The following RAPGEF5 variants were observed in gnomAD, a reference collection of about 807,000 sequenced individuals.
RAPGEF5 encodes Rap guanine nucleotide exchange factor 5.
RAPGEF5 carries 65 observed loss-of-function variants against 125.2 expected under a neutral mutation model. The observed-to-expected ratio is 0.52, with a 90% CI of 0.43 to 0.64. The LOEUF (loss-of-function observed/expected upper bound fraction) is 0.64. Among genes scored for constraint, RAPGEF5 ranks in the 30% least tolerant of loss-of-function variants. The probability of loss-of-function intolerance (pLI) is 0.00; values close to 1 mark genes in which losing one functional copy is unlikely to be tolerated. For missense variants in RAPGEF5, 958 were observed against 1,048.1 expected (o/e 0.91, Z 1.19); for synonymous variants, 391 against 385.9 (o/e 1.01, Z -0.16).
intron 8 of RAPGEF5, among the ~76,000 whole-genome samples, chr7:22,220,511 T>A (rs2128132679): frequency 1.3e-5 from 2 of 152,286 alleles, no homozygotes; most frequent in Middle Eastern, 6.8e-3. Context: ...AATTGGGAAG[T>A]TACCATGGGG....
intron 1 of RAPGEF5, among the ~76,000 whole-genome samples, chr7:22,341,212 C>T (rs1295024711): frequency 1.3e-5 from 2 of 152,182 alleles, no homozygotes; most frequent in African/African-American, 4.8e-5. Flanking sequence ...CACATGGCAG[C>T]AGACAAGAGA....
intron 1 of RAPGEF5, among the ~76,000 whole-genome samples, chr7:22,338,393 T>C (rs1784064100): frequency 6.6e-6 from 1 of 152,240 alleles, no homozygotes; most frequent in Non-Finnish European, 1.5e-5. Context: ...CCAAAGTATT[T>C]TCTGTTATTT....
At chr7:22,190,943 G>A (rs892214857) in intron 11 of RAPGEF5, among the ~76,000 whole-genome samples, 3 of 152,198 alleles carry the variant, frequency 2.0e-5, no homozygotes, top group Non-Finnish European at 2.9e-5. Flanking sequence ...CTCCATCTCC[G>A]TAAAAGGGGC....
rs575661763 is a variant in RAPGEF5, at chr7:22,263,228, T to C, written c.796+3736A>G. On this transcript the variant is annotated intron_variant, in intron 7 of 25. Coordinates refer to ENST00000665637, the MANE Select transcript of RAPGEF5 (RefSeq NM_012294.5). ...AGGGATCGCTGTGTTGATGAAAATG[T>C]TAATGTTCTGGTTGTGATACCATAC... 1.2e-4 allele frequency among the ~76,000 whole-genome samples: 19 copies of C among 152,318 alleles called. No homozygotes were observed. In the East Asian group the frequency reaches 3.7e-3, roughly 29 times the overall value.
At chr7:22,336,743 T>C (rs1331652457) in intron 1 of RAPGEF5, among the ~76,000 whole-genome samples, 1 of 152,094 alleles carries the variant, frequency 6.6e-6, no homozygotes, top group African/African-American at 2.4e-5. Flanking sequence ...AGGCGGGAAG[T>C]GCACAAGCAG....
At chr7:22,290,104 G>T (rs1326190291) in intron 6 of RAPGEF5, among the ~76,000 whole-genome samples, 1 of 152,194 alleles carries the variant, frequency 6.6e-6, no homozygotes, top group Non-Finnish European at 1.5e-5. Context: ...CTGCATTCCA[G>T]AAGAGTAGGA....
At chr7:22,245,489 T>C (rs79692216) in intron 7 of RAPGEF5, among the ~76,000 whole-genome samples, 6,547 of 152,156 alleles carry the variant, frequency 0.043, 180 homozygotes, top group Non-Finnish European at 0.068. Context: ...TGTTTTTGTA[T>C]ATGGTGTGAG....
chr7:22,134,206 A>G (rs1783009365), intron 23 of RAPGEF5, among the ~76,000 whole-genome samples: 1 of 152,222 alleles, frequency 6.6e-6, no homozygotes, highest in Non-Finnish European at 1.5e-5. Flanking sequence ...TTATATTTTC[A>G]TCACATTTTC....
At chr7:22,177,150 A>G (rs1784534313) in intron 11 of RAPGEF5, among the ~76,000 whole-genome samples, 1 of 152,200 alleles carries the variant, frequency 6.6e-6, no homozygotes. Context: ...GCCCTCTGCC[A>G]TGGAGAATGG....
At chr7:22,184,855 C>T (rs1251336198) in intron 11 of RAPGEF5, among the ~76,000 whole-genome samples, 1 of 152,148 alleles carries the variant, frequency 6.6e-6, no homozygotes, top group Non-Finnish European at 1.5e-5. Context: ...AATCCACAGT[C>T]AAAATTTAAT....
At chr7:22,139,033 T>A (rs1783169310) in intron 21 of RAPGEF5, among the ~76,000 whole-genome samples, 2 of 152,180 alleles carry the variant, frequency 1.3e-5, no homozygotes, top group South Asian at 4.1e-4. Context: ...CTCTGACCCT[T>A]GGGTCAGCAC....
At chr7:22,325,577 T>C (rs934083513) in intron 1 of RAPGEF5, among the ~76,000 whole-genome samples, 59 of 152,264 alleles carry the variant, frequency 3.9e-4, no homozygotes, top group South Asian at 8.3e-4. Context: ...ATATATGTAA[T>C]TTTTTAAAGA....
intron 1 of RAPGEF5, among the ~76,000 whole-genome samples, chr7:22,329,047 T>C (rs1783864345): frequency 6.6e-6 from 1 of 152,230 alleles, no homozygotes; most frequent in African/African-American, 2.4e-5. Flanking sequence ...TTAAAGTTAT[T>C]TGTGTTTACT....
chr7:22,202,036 G>A (rs1306790028), intron 9 of RAPGEF5, among the ~76,000 whole-genome samples: 5 of 152,188 alleles, frequency 3.3e-5, no homozygotes, highest in Non-Finnish European at 7.3e-5. Context: ...AGGACAGAGA[G>A]GTCAGCAAAG....
At chr7:22,333,441 T>C (rs552348550) in intron 1 of RAPGEF5, among the ~76,000 whole-genome samples, 1 of 152,292 alleles carries the variant, frequency 6.6e-6, no homozygotes, top group African/African-American at 2.4e-5. Context: ...GTCTTAACAA[T>C]CTTACCTGAA....
chr7:22,133,241 G>C (rs1303340216), intron 23 of RAPGEF5, among the ~76,000 whole-genome samples: 1 of 152,198 alleles, frequency 6.6e-6, no homozygotes, highest in Non-Finnish European at 1.5e-5. Context: ...GGTGTCAAGG[G>C]TGCTGGCCAG....
chr7:22,224,550 G>T (rs1785869950), intron 8 of RAPGEF5, among the ~76,000 whole-genome samples: 1 of 152,108 alleles, frequency 6.6e-6, no homozygotes, highest in African/African-American at 2.4e-5. Context: ...CTGGAAACCT[G>T]TTCTGTGGTT....
intron 6 of RAPGEF5, among the ~76,000 whole-genome samples, chr7:22,287,603 T>C (rs758681007): frequency 6.6e-6 from 1 of 152,202 alleles, no homozygotes; most frequent in African/African-American, 2.4e-5. Flanking sequence ...AAGAGTACAC[T>C]GGCAACTCTG....
intron 11 of RAPGEF5, among the ~76,000 whole-genome samples, chr7:22,168,314 T>C (rs1251371126): frequency 6.6e-6 from 1 of 152,182 alleles, no homozygotes; most frequent in Non-Finnish European, 1.5e-5. Flanking sequence ...ACCATACAAG[T>C]ATCGAGGAGA....
Sources: gnomAD v4.1 joint callset for allele counts (sites outside exome capture counted in the v4.1 genomes callset) on GRCh38, gnomAD v4.1.1 for gene constraint, MANE v1.5 for transcripts, NCBI Gene and HGNC (gene_info 2026-07-23, HGNC 2026-07-21) for gene names.